CACNB2: variants seen among roughly 807,000 people sequenced by gnomAD.
CACNB2 encodes the protein voltage-dependent L-type calcium channel subunit beta-2.
CACNB2 carries 42 observed loss-of-function variants against 73.3 expected under a neutral mutation model. The observed-to-expected ratio is 0.57, with a 90% CI of 0.45 to 0.74. CACNB2 has a LOEUF of 0.74. Among genes scored for constraint, CACNB2 ranks in the 30% least tolerant of loss-of-function variants. The pLI is 0.00. For missense variants in CACNB2, 940 were observed against 853.0 expected (o/e 1.10, Z -1.27); for synonymous variants, 348 against 310.3 (o/e 1.12, Z -1.28).
chr10:18,265,693 C>T (rs116457042), intron 2 of CACNB2, among the ~76,000 whole-genome samples: 1 of 152,002 alleles, frequency 6.6e-6, no homozygotes, highest in Non-Finnish European at 1.5e-5. Flanking sequence ...CTTTGAGTCT[C>T]GGTTTTCTCA....
intron 2 of CACNB2, among the ~76,000 whole-genome samples, chr10:18,179,670 G>A (rs2033778060): frequency 6.6e-6 from 1 of 151,390 alleles, no homozygotes; most frequent in Admixed American, 6.6e-5. Context: ...CTTTAGTTTG[G>A]TGTTTAACTT....
intron 2 of CACNB2, among the ~76,000 whole-genome samples, chr10:18,346,203 G>A (rs1589100913): frequency 1.3e-5 from 2 of 152,056 alleles, no homozygotes; most frequent in African/African-American, 2.4e-5. Context: ...GCAGTGGCGC[G>A]ATCTCAGCTC....
At chr10:18,152,456 G>T (rs2031642713) in intron 2 of CACNB2, among the ~76,000 whole-genome samples, 1 of 152,100 alleles carries the variant, frequency 6.6e-6, no homozygotes, top group Non-Finnish European at 1.5e-5. Context: ...CAGGAGCTAG[G>T]AAGGCTGTCA....
chr10:18,375,500 T>G (rs2042759952), intron 2 of CACNB2, among the ~76,000 whole-genome samples: 1 of 152,178 alleles, frequency 6.6e-6, no homozygotes. Context: ...AGCTTTTAAT[T>G]GATGAAGACC....
intron 3 of CACNB2, among the ~76,000 whole-genome samples, chr10:18,489,992 C>T (rs1287140114): frequency 6.6e-6 from 1 of 152,114 alleles, no homozygotes; most frequent in Non-Finnish European, 1.5e-5. Flanking sequence ...ATCCTCCCAC[C>T]TCAGCCTCTT....
chr10:18,514,486 T>G (rs758198340), intron 7 of CACNB2, 117 bp downstream of exon 7: 1 of 1,614,112 alleles, frequency 6.2e-7, no homozygotes, highest in South Asian at 1.1e-5. Flanking sequence ...GCTCTGTTAT[T>G]TGTTTCTTTT....
At chr10:18,173,007 A>T (rs2033356168) in intron 2 of CACNB2, among the ~76,000 whole-genome samples, 1 of 143,076 alleles carries the variant, frequency 7.0e-6, no homozygotes, top group Non-Finnish European at 1.5e-5. Context: ...TGCAACCTAC[A>T]CCTCCCAGGT....
intron 2 of CACNB2, among the ~76,000 whole-genome samples, chr10:18,314,580 G>GA (rs367654799): frequency 4.9e-4 from 71 of 145,078 alleles, no homozygotes; most frequent in African/African-American, 1.1e-3. Flanking sequence ...ACATTTGTGA[G>GA]AAAAAAAAAA....
chr10:18,371,462 G>T (rs2042581354), intron 2 of CACNB2, among the ~76,000 whole-genome samples: 1 of 151,542 alleles, frequency 6.6e-6, no homozygotes, highest in African/African-American at 2.4e-5. Flanking sequence ...GTGGTGTTTG[G>T]TTTTTTTGTC....
intron 3 of CACNB2, among the ~76,000 whole-genome samples, chr10:18,419,996 TTTAG>T (rs1480856453): frequency 3.3e-5 from 5 of 152,198 alleles, no homozygotes; most frequent in African/African-American, 1.2e-4. Context: ...TAGGTTTTTA[TTTAG>T]TTAGTTAGCA....
intron 2 of CACNB2, among the ~76,000 whole-genome samples, chr10:18,286,302 G>A (rs1327952440): frequency 2.0e-5 from 3 of 151,864 alleles, no homozygotes; most frequent in Non-Finnish European, 4.4e-5. Flanking sequence ...GGATCACGAG[G>A]TCAGGAGATC....
intron 2 of CACNB2, among the ~76,000 whole-genome samples, chr10:18,172,405 T>A (rs1235147767): frequency 1.3e-5 from 2 of 152,178 alleles, no homozygotes; most frequent in Admixed American, 6.5e-5. Flanking sequence ...GAGAGTTGAT[T>A]GGAAATGTTT....
intron 5 of CACNB2, among the ~76,000 whole-genome samples, chr10:18,502,903 C>T (rs549307923): frequency 2.0e-5 from 3 of 151,594 alleles, no homozygotes; most frequent in Admixed American, 6.6e-5. Flanking sequence ...ACACCAAACC[C>T]CTGTGACATG....
At chr10:18,202,796 C>G (rs1361093543) in intron 2 of CACNB2, among the ~76,000 whole-genome samples, 2 of 152,198 alleles carry the variant, frequency 1.3e-5, no homozygotes, top group African/African-American at 2.4e-5. Flanking sequence ...CAAGAAATAG[C>G]AAGTTCTTTG....
chr10:18,273,527 C>T (rs1288617771), intron 2 of CACNB2, among the ~76,000 whole-genome samples: 1 of 151,846 alleles, frequency 6.6e-6, no homozygotes, highest in East Asian at 1.9e-4. Context: ...GAAGAATTAA[C>T]ATATTTAAGC....
intron 2 of CACNB2, chr10:18,261,065 C>T: frequency 7.4e-7 from 1 of 1,359,904 alleles, no homozygotes; most frequent in Non-Finnish European, 9.5e-7. Flanking sequence ...CAAAAAAAGA[C>T]AAACAGGGGA....
At position 18,514,333 on chromosome 10, in the gene CACNB2, C is replaced by T; in HGVS notation, c.768C>T (p.Pro256=). The T allele has an allele frequency of 6.2e-7, 1 of 1,614,142 alleles. No homozygotes were observed. The highest frequency in any genetic ancestry group is 8.5e-7 in the Non-Finnish European group (1 of 1,180,018). ...PKPSANSVTS[P]HSKEKRMPFF... is the part of the protein sequence containing the mutation. ...CCAGTGCAAACAGTGTAACGTCACC[C>T]CACTCCAAAGAGAAAAGAATGCCCT... The change falls in exon 7 of 14, where the codon CCC becomes CCT. Residue 256 remains proline, a synonymous_variant. Coordinates refer to ENST00000324631, the MANE Select transcript of CACNB2 (RefSeq NM_201596.3).
rs182940035 is a variant in CACNB2 at position 18,290,386 on chromosome 10, T to C, written c.214-111538T>C. On this transcript the variant is annotated intron_variant, in intron 2 of 13. Transcript: ENST00000324631. ...TTCCCAGATTGCTTGAGGCTGAGTA[T>C]ATATAAATGTCTTTGTGCATATAAT... Among the ~76,000 whole-genome samples, 9 of 152,236 alleles carry C rather than the reference T, an allele frequency of 5.9e-5. No individual in the cohort carries two copies. The East Asian group carries it at 1.7e-3, about 29-fold the overall frequency.
intron 2 of CACNB2, chr10:18,262,071 A>G (rs928457814): frequency 2.3e-5 from 12 of 516,686 alleles, no homozygotes; most frequent in African/African-American, 2.3e-4. Context: ...GTAAAAGGGA[A>G]CAGGAGGTTT....
Sources: gnomAD v4.1 joint callset for allele counts (sites outside exome capture counted in the v4.1 genomes callset) on GRCh38, gnomAD v4.1.1 for gene constraint, MANE v1.5 for transcripts, NCBI Gene and HGNC (gene_info 2026-07-23, HGNC 2026-07-21) for gene names.